CSGALNACT1: variants seen among roughly 807,000 people sequenced by gnomAD.
CSGALNACT1 encodes chondroitin sulfate N-acetylgalactosaminyltransferase 1.
Under a neutral mutation model 51.0 loss-of-function variants are expected in CSGALNACT1, and 52 were observed. The observed-to-expected ratio is 1.02, with a 90% CI of 0.82 to 1.29. The LOEUF is 1.29. Ranked by LOEUF, CSGALNACT1 falls within the 50% of genes most tolerant of loss-of-function variation. CSGALNACT1 has a pLI of 0.00. For synonymous variants in CSGALNACT1, 341 were observed against 254.4 expected (o/e 1.34, Z -3.24); for missense variants, 935 against 679.2 (o/e 1.38, Z -4.19).
intron 1 of CSGALNACT1, among the ~76,000 whole-genome samples, chr8:19,667,680 G>C (rs1176019391): frequency 6.6e-6 from 1 of 152,156 alleles, no homozygotes; most frequent in Non-Finnish European, 1.5e-5. Flanking sequence ...CTCTTCCTCA[G>C]ATCAGGAGAG....
At chr8:19,427,006 T>C (rs1325628612) in intron 6 of CSGALNACT1, among the ~76,000 whole-genome samples, 1 of 152,204 alleles carries the variant, frequency 6.6e-6, no homozygotes, top group Non-Finnish European at 1.5e-5. Flanking sequence ...AATACTGAAA[T>C]CACTTATGAG....
chr8:19,498,340 T>C (rs2075830571), intron 4 of CSGALNACT1, among the ~76,000 whole-genome samples: 3 of 152,264 alleles, frequency 2.0e-5, no homozygotes, highest in Admixed American at 6.5e-5. Flanking sequence ...CAACCGTAAC[T>C]GATGAAAAAC....
chr8:19,443,575 G>C (rs1326254088), intron 5 of CSGALNACT1, among the ~76,000 whole-genome samples: 4 of 152,228 alleles, frequency 2.6e-5, no homozygotes, highest in Non-Finnish European at 4.4e-5. Context: ...CTTGTGCAGG[G>C]GGATTCCCAT....
intron 1 of CSGALNACT1, among the ~76,000 whole-genome samples, chr8:19,667,004 AAAGAAAGAAAGAAAGGAAGGAAGGAAGG>A (rs2059370403): frequency 4.0e-5 from 1 of 25,096 alleles, no homozygotes; most frequent in Admixed American, 4.1e-4. Flanking sequence ...AGAAAGAAAG[AAAGAAAGAAAGAAAGGAAGGAAGGAAGG>A]AAGGAAGGAA....
At chr8:19,636,009 C>G (rs2154173242) in intron 1 of CSGALNACT1, among the ~76,000 whole-genome samples, 1 of 152,292 alleles carries the variant, frequency 6.6e-6, no homozygotes, top group Middle Eastern at 3.4e-3. Flanking sequence ...AGATTACAGG[C>G]ATGAGCCTGT....
rs551965973 is a variant in CSGALNACT1, at chr8:19,449,697, A to G, written c.851+8729T>C. Among the ~76,000 whole-genome samples, 27 of 152,338 alleles carry G rather than the reference A, an allele frequency of 1.8e-4. No individual in the cohort carries two copies. The South Asian group carries it at 5.6e-3, about 32-fold the overall frequency. ...TCATAAATGTTAGAAAGAGAACATT[A>G]AGACAAAAATTACCAGTCAAGTCTG... is the stretch of plus-strand genomic sequence containing the variant. On this transcript the variant is annotated intron_variant, in intron 5 of 9. Transcript: ENST00000454498.
At chr8:19,706,646 C>A (rs1178889085) in intron 1 of CSGALNACT1, among the ~76,000 whole-genome samples, 1 of 152,080 alleles carries the variant, frequency 6.6e-6, no homozygotes, top group Non-Finnish European at 1.5e-5. Context: ...GGATACCTAC[C>A]AGAGCATCTG....
In CSGALNACT1 at chr8:19,526,309, G is replaced by A. The variant is rs547369266; in HGVS notation, c.-296-20179C>T. Among the ~76,000 whole-genome samples, 44 of 152,334 alleles carry A rather than the reference G, an allele frequency of 2.9e-4. No homozygotes were observed. The Middle Eastern group carries it at 0.01, about 35-fold the overall frequency. ...TTTAAGATTTATAGATAAAGGCCAG[G>A]CACAGTGGCTTACGCCTATAATCCC... is the stretch of plus-strand genomic sequence containing the variant. On this transcript the variant is annotated intron_variant, in intron 3 of 9. Transcript: ENST00000454498.
rs113727189 is a variant in CSGALNACT1, at chr8:19,563,420, C to A, written c.-297+27740G>T. The stretch of plus-strand genomic sequence containing the variant: ...AAACCTGTATATCCTGCACGTGTAA[C>A]CTGGAACTTAAAAATTTTTTAAATA... On this transcript the variant is annotated intron_variant, in intron 3 of 9. Transcript: ENST00000454498. Among the ~76,000 whole-genome samples, 613 of 152,214 alleles carry A rather than the reference C, an allele frequency of 4.0e-3. 3 individuals carry two copies. Among genetic ancestry groups the A allele is most frequent in the African/African-American group, 0.014 (587 of 41,522 alleles).
chr8:19,706,752 T>G (rs1009588138), intron 1 of CSGALNACT1, among the ~76,000 whole-genome samples: 1 of 152,090 alleles, frequency 6.6e-6, no homozygotes, highest in African/African-American at 2.4e-5. Context: ...GCCTCCCTAG[T>G]AGCTGGCACT....
intron 5 of CSGALNACT1, among the ~76,000 whole-genome samples, chr8:19,454,588 T>C (rs967708999): frequency 1.3e-5 from 2 of 152,142 alleles, no homozygotes; most frequent in Non-Finnish European, 2.9e-5. Context: ...GGAGAATCGC[T>C]TGAACCTGGG....
chr8:19,586,794 T>C (rs1295835975), intron 3 of CSGALNACT1, among the ~76,000 whole-genome samples: 2 of 152,130 alleles, frequency 1.3e-5, no homozygotes, highest in African/African-American at 4.8e-5. Flanking sequence ...AACCCAGAGG[T>C]TAAACAAAAC....
In CSGALNACT1 at chr8:19,474,880, A is replaced by AAAAG. The variant is rs1554599606; in HGVS notation, c.635-16239_635-16238insCTTT. Among the ~76,000 whole-genome samples the AAAAG allele has an allele frequency of 1.0e-3, 150 of 150,738 alleles. 4 individuals are homozygous for AAAAG. Among genetic ancestry groups the AAAAG allele is most frequent in the African/African-American group, 3.5e-3 (143 of 41,214 alleles). On this transcript the variant is annotated intron_variant, in intron 4 of 9. Transcript: ENST00000454498. ...GAAACTCTGTCTCAGAAAAAAAAAA[A>AAAAG]AAAAAAGAAAAAAAAAAGAAAGCAA...
At chr8:19,532,816 C>G (rs1563931037) in intron 3 of CSGALNACT1, among the ~76,000 whole-genome samples, 1 of 151,036 alleles carries the variant, frequency 6.6e-6, no homozygotes, top group East Asian at 2.0e-4. Context: ...AGATTCAGAT[C>G]CATCTACACC....
intron 3 of CSGALNACT1, among the ~76,000 whole-genome samples, chr8:19,557,770 T>A (rs77843639): frequency 0.031 from 4,659 of 152,310 alleles, 247 homozygotes; most frequent in African/African-American, 0.11. Context: ...CATGTTATTA[T>A]AAAGCTCTTT....
At chr8:19,533,153 G>A (rs1587948875) in intron 3 of CSGALNACT1, among the ~76,000 whole-genome samples, 1 of 152,130 alleles carries the variant, frequency 6.6e-6, no homozygotes, top group Non-Finnish European at 1.5e-5. Flanking sequence ...GTCTCCCTCT[G>A]TCACCCAGGC....
chr8:19,482,503 T>C (rs758320995), intron 4 of CSGALNACT1, among the ~76,000 whole-genome samples: 9 of 152,150 alleles, frequency 5.9e-5, no homozygotes, highest in Non-Finnish European at 1.3e-4. Context: ...CTGTAAATTC[T>C]TATCTCGTAC....
chr8:19,625,793 G>C (rs2054376501), intron 1 of CSGALNACT1, among the ~76,000 whole-genome samples: 1 of 152,314 alleles, frequency 6.6e-6, no homozygotes, highest in Middle Eastern at 3.4e-3. Context: ...CAAGGAGTTT[G>C]AGGCTGGGGA....
intron 6 of CSGALNACT1, among the ~76,000 whole-genome samples, chr8:19,437,232 A>T (rs570575121): frequency 1.3e-5 from 2 of 152,256 alleles, no homozygotes; most frequent in Admixed American, 6.5e-5. Flanking sequence ...GTGGGGAGTG[A>T]TGGGGGTTGA....
Sources: gnomAD v4.1 joint callset for allele counts (sites outside exome capture counted in the v4.1 genomes callset) on GRCh38, gnomAD v4.1.1 for gene constraint, MANE v1.5 for transcripts, NCBI Gene and HGNC (gene_info 2026-07-23, HGNC 2026-07-21) for gene names.